Variants in CDKN2AIPNL observed in about 807,000 individuals in gnomAD.
The protein encoded by CDKN2AIPNL is XRN2 binding domain containing 1, also known as CDKN2AIP N-terminal-like protein.
Under a neutral mutation model 12.9 loss-of-function variants are expected in CDKN2AIPNL, and 9 were observed. The observed-to-expected ratio is 0.70, with a 90% confidence interval of 0.42 to 1.22. The LOEUF (loss-of-function observed/expected upper bound fraction) is 1.22. Among genes scored for constraint, CDKN2AIPNL ranks in the 50% most tolerant of loss-of-function variants. The pLI is 0.00. For missense variants in CDKN2AIPNL, 143 were observed against 153.6 expected (o/e 0.93, Z 0.37); for synonymous variants, 53 against 61.7 (o/e 0.86, Z 0.66).
chr5:134,407,943 C>A (rs1272205109), intron 2 of CDKN2AIPNL, among the ~76,000 whole-genome samples: 1 of 152,044 alleles, frequency 6.6e-6, no homozygotes, highest in Non-Finnish European at 1.5e-5. Flanking sequence ...CCAGCCTGGA[C>A]AACATGGCAA....
At position 134,411,095 on chromosome 5, in the gene CDKN2AIPNL, G is replaced by T. The variant is rs1014498172; in HGVS notation, c.239+521C>A. The T allele has an allele frequency of 1.7e-5, 12 of 702,430 alleles. No homozygotes were observed. In the African/African-American group the frequency reaches 1.7e-4, roughly 10 times the overall value. The allele number at this position is 702,430 out of a possible 1,614,324, so 43.5% of individuals were successfully genotyped here. A position where few individuals can be genotyped will look rare whatever the true frequency, so the allele number is the denominator to read the frequency against. ...AGGACCCCGTGGGCTGTGGAGTGAG[G>T]AGAAAAAGCCATAGGATACAGATTA... On this transcript the variant is annotated intron_variant, in intron 1 of 2. Transcript: ENST00000458198.
intron 2 of CDKN2AIPNL, among the ~76,000 whole-genome samples, chr5:134,404,995 G>A (rs1759081619): frequency 6.6e-6 from 1 of 151,726 alleles, no homozygotes; most frequent in African/African-American, 2.4e-5. Context: ...TGTTGGCCAG[G>A]CTGGTCTCAA....
In CDKN2AIPNL at chr5:134,411,343, C is replaced by A. The variant is rs1362187649; in HGVS notation, c.239+273G>T. 2.0e-5 allele frequency among the ~76,000 whole-genome samples: 3 copies of A among 152,168 alleles called. No individual in the cohort carries two copies. In the East Asian group the frequency reaches 5.8e-4, roughly 29 times the overall value. On this transcript the variant is annotated intron_variant, in intron 1 of 2. Transcript: ENST00000458198. ...ATAGTAATACAAATAACAATAGCAA[C>A]CTTTGAACCCGCCATGTATTTAGCT...
At chr5:134,411,550 C>A (rs980103462) in intron 1 of CDKN2AIPNL, 66 bp downstream of exon 1, 26 of 1,399,834 alleles carry the variant, frequency 1.9e-5, no homozygotes, top group Middle Eastern at 3.7e-4. Context: ...CAGGGGTGAG[C>A]CCTGGGAGAG....
Position 134,405,903 on chromosome 5 carries a change from A to G in CDKN2AIPNL, c.340-2977T>C, listed in dbSNP as rs186675042. 7.5e-4 allele frequency among the ~76,000 whole-genome samples: 115 copies of G among 152,372 alleles called. 1 individual carries two copies. The highest frequency in any genetic ancestry group is 1.3e-3 in the Non-Finnish European group (90 of 68,032). ...TAATTCTGACAGTCATAGCAATGAC[A>G]TCTTTCCTGAGTCAGCTGCTGCTCT... On this transcript the variant is annotated intron_variant, in intron 2 of 2. Coordinates refer to ENST00000458198, the MANE Select transcript of CDKN2AIPNL (RefSeq NM_080656.3).
chr5:134,410,083 T>A, intron 1 of CDKN2AIPNL, 81 bp from the exon 2 acceptor site: 1 of 951,034 alleles, frequency 1.1e-6, no homozygotes, highest in Non-Finnish European at 1.6e-6. Context: ...GTTGCTCAAC[T>A]ATAAAATCAG....
At position 134,411,661 on chromosome 5, in the gene CDKN2AIPNL, A is replaced by T. The variant is rs1205787528; in HGVS notation, c.194T>A (p.Leu65His). 1.9e-6 allele frequency: 3 copies of T among 1,612,868 alleles called. No individual in the cohort carries two copies. The highest frequency in any genetic ancestry group is 2.5e-6 in the Non-Finnish European group (3 of 1,179,760). Reference sequence around the variant, plus strand: ...GTTGGCCCAGACCATGGAGAGGGAGAGCAGCTGGTCCAGGCGGCCACTGCC... The same window carrying T: ...GTTGGCCCAGACCATGGAGAGGGAGTGCAGCTGGTCCAGGCGGCCACTGCC... ...PDGSGRLDQL[L>H]SLSMVWANHL... The change falls in exon 1 of 3, where the codon CTC (leucine) becomes CAC (histidine). Residue 65 changes from leucine (L) to histidine (H), a missense_variant. Physicochemically the swap from Leu to His is moderately conservative, Grantham distance 99. Around this residue, in one of 3 missense-constraint regions of CDKN2AIPNL, gnomAD observed 111 missense variants for 111.4 expected, o/e 1.00. Transcript: ENST00000458198.
intron 1 of CDKN2AIPNL, 39 bp downstream of exon 1, chr5:134,411,577 G>A: frequency 6.4e-7 from 1 of 1,566,382 alleles, no homozygotes; most frequent in Non-Finnish European, 8.8e-7. Context: ...AGGGTCGGAA[G>A]ATAGGGGACA....
At chr5:134,409,379 C>CA (rs1759157108) in intron 2 of CDKN2AIPNL, among the ~76,000 whole-genome samples, 2 of 152,286 alleles carry the variant, frequency 1.3e-5, no homozygotes, top group South Asian at 4.1e-4. Flanking sequence ...GCCCCAGCTC[C>CA]AGTGTCCAGA....
At chr5:134,404,375 G>A (rs572774110) in intron 2 of CDKN2AIPNL, among the ~76,000 whole-genome samples, 27 of 152,114 alleles carry the variant, frequency 1.8e-4, no homozygotes, top group Non-Finnish European at 3.4e-4. Flanking sequence ...CCAAGCTGGA[G>A]TGCAGTGGTA....
At position 134,409,933 on chromosome 5, in the gene CDKN2AIPNL, T is replaced by G. The variant is rs908449441; in HGVS notation, c.309A>C (p.Gln103His). The G allele has an allele frequency of 1.9e-6, 3 of 1,611,852 alleles. No individual in the cohort carries two copies. The African/African-American group carries it at 4.0e-5, about 22-fold the overall frequency. The change falls in exon 2 of 3, where the codon CAA (glutamine) becomes CAC (histidine). Residue 103 changes from glutamine (Q) to histidine (H), a missense_variant. Gln to His is a conservative substitution (Grantham distance 24). Transcript: ENST00000458198. ...TCATTAATTCACTTCTGGTAGTAAA[T>G]TGTGGCAGGTCTTCCACTTCAATCC... ...ADGIEVEDLP[Q>H]FTTRSELMKK...
intron 2 of CDKN2AIPNL, among the ~76,000 whole-genome samples, chr5:134,406,456 A>T (rs1345672655): frequency 2.6e-5 from 4 of 152,236 alleles, no homozygotes; most frequent in Non-Finnish European, 5.9e-5. Context: ...ATGTGTGCAA[A>T]AACTGCAGGC....
rs778372939 is a variant in CDKN2AIPNL, at chr5:134,411,855, G to GGT, written c.-3_-2dup. The GGT allele has an allele frequency of 5.1e-6, 8 of 1,560,848 alleles. 1 individual carries two copies. The South Asian group carries it at 9.3e-5, about 18-fold the overall frequency. On this transcript the variant is annotated 5_prime_UTR_variant, in exon 1 of 3. Transcript: ENST00000458198. Reference sequence around the variant, plus strand: ...CGGCAGCCGCCTCGCCACCGACCATGGTGCCCGCCGCAGCCGAGGACCGGA... The same window carrying GGT: ...CGGCAGCCGCCTCGCCACCGACCATGGTGTGCCCGCCGCAGCCGAGGACCGGA...
intron 2 of CDKN2AIPNL, among the ~76,000 whole-genome samples, chr5:134,404,628 A>AT (rs113061543): frequency 0.017 from 2,359 of 138,304 alleles, 28 homozygotes; most frequent in South Asian, 0.041. Context: ...GGCTAGGCTG[A>AT]TTTTTTTTTT....
chr5:134,409,863 C>A, intron 2 of CDKN2AIPNL, 40 bp downstream of exon 2: 1 of 1,346,430 alleles, frequency 7.4e-7, no homozygotes, highest in South Asian at 1.2e-5. Flanking sequence ...ACTGTTAACT[C>A]TACACCATTT....
chr5:134,407,718 G>A (rs1289909089), intron 2 of CDKN2AIPNL, among the ~76,000 whole-genome samples: 1 of 149,580 alleles, frequency 6.7e-6, no homozygotes, highest in East Asian at 2.0e-4. Context: ...AGGTTGCAGT[G>A]AGCTGAACCA....
chr5:134,406,172 C>T (rs1742701070), intron 2 of CDKN2AIPNL, among the ~76,000 whole-genome samples: 2 of 152,204 alleles, frequency 1.3e-5, no homozygotes, highest in South Asian at 4.1e-4. Context: ...CTACTTGCCT[C>T]AAAGCTGCAG....
In CDKN2AIPNL at chr5:134,411,696, G is replaced by A. The variant is rs1479002954; in HGVS notation, c.159C>T (p.Asp53=). 1 of 1,613,192 alleles carries A rather than the reference G, an allele frequency of 6.2e-7. No homozygotes were observed. The highest frequency in any genetic ancestry group is 8.5e-7 in the Non-Finnish European group (1 of 1,179,830). The change falls in exon 1 of 3, where the codon GAC becomes GAT. Residue 53 remains aspartate, a synonymous_variant. Transcript: ENST00000458198. ...FILRHLPDYR[D]PPDGSGRLDQ... ...CCAGGCGGCCACTGCCGTCGGGCGG[G>A]TCGCGGTAGTCGGGCAGGTGGCGCA...
chr5:134,404,323 C>T (rs1759069765), intron 2 of CDKN2AIPNL, among the ~76,000 whole-genome samples: 1 of 152,016 alleles, frequency 6.6e-6, no homozygotes, highest in Non-Finnish European at 1.5e-5. Flanking sequence ...ATCTGACAGG[C>T]TGATTTTTTT....
Sources: allele counts gnomAD v4.1 joint callset (sites outside exome capture counted in the v4.1 genomes callset), GRCh38; gene constraint gnomAD v4.1.1; regional missense constraint gnomAD v4.1.1; transcripts MANE v1.5; gene names NCBI Gene and HGNC (gene_info 2026-07-23, HGNC 2026-07-21).